XKR6: variants seen among roughly 807,000 people sequenced by gnomAD.
XKR6 encodes XK-related protein 6.
A neutral mutation model predicts 56.7 loss-of-function variants in XKR6; 22 were observed. The observed-to-expected ratio is 0.39, with a 90% CI of 0.28 to 0.55. The LOEUF (loss-of-function observed/expected upper bound fraction) is 0.55, where lower values mean the gene tolerates loss of function less well. Among genes scored for constraint, XKR6 ranks in the 20% least tolerant of loss-of-function variants. The probability of loss-of-function intolerance (pLI) is 0.66; values close to 1 mark genes in which losing one functional copy is unlikely to be tolerated. For missense variants in XKR6, 852 were observed against 889.0 expected, an observed-to-expected ratio of 0.96 and a Z score of 0.53; for synonymous variants, 524 against 387.8, an observed-to-expected ratio of 1.35 and a Z score of -4.13.
chr8:11,195,152 C>A, intron 1 of XKR6: 1 of 703,218 alleles, frequency 1.4e-6, no homozygotes, highest in South Asian at 1.5e-5. Flanking sequence ...GGGAAGAAAC[C>A]AGGTGAGGCA....
chr8:11,173,299 G>T (rs917522009), intron 1 of XKR6, among the ~76,000 whole-genome samples: 9 of 151,210 alleles, frequency 6.0e-5, no homozygotes, highest in Middle Eastern at 3.2e-3. Flanking sequence ...AGCTGAGATC[G>T]TGCCACTGCA....
chr8:11,191,629 AC>A lies in XKR6; in HGVS notation c.764+8946del. On this transcript the variant is annotated intron_variant, in intron 1 of 2. Transcript: ENST00000416569. ...AGAGTGCAAACGACACCTGCAAGAG[AC>A]ACTCAGGAAACGCAAAATATGAGCA... 1.3e-5 allele frequency among the ~76,000 whole-genome samples: 2 copies of A among 152,028 alleles called. 1 individual carries two copies. Among genetic ancestry groups the A allele is most frequent in the Non-Finnish European group, 2.9e-5 (2 of 67,990 alleles).
At chr8:11,173,900 CAGTGGGAAAAAAAGAGGG>C (rs1802514964) in intron 1 of XKR6, among the ~76,000 whole-genome samples, 1 of 152,034 alleles carries the variant, frequency 6.6e-6, no homozygotes, top group Admixed American at 6.6e-5. Flanking sequence ...AGACGGGACA[CAGTGGGAAAAAAAGAGGG>C]AAGAACATGA....
chr8:11,120,398 A>C (rs1273396427), intron 1 of XKR6, among the ~76,000 whole-genome samples: 1 of 152,212 alleles, frequency 6.6e-6, no homozygotes, highest in Non-Finnish European at 1.5e-5. Flanking sequence ...AATAACAGAC[A>C]AACAGAGAGC....
At chr8:11,117,502 G>T (rs557489483) in intron 1 of XKR6, among the ~76,000 whole-genome samples, 1 of 152,120 alleles carries the variant, frequency 6.6e-6, no homozygotes, top group East Asian at 1.9e-4. Context: ...TGGCCATTTG[G>T]GAAACTTAAG....
At chr8:11,067,789 C>G (rs1800019151) in intron 1 of XKR6, among the ~76,000 whole-genome samples, 2 of 152,260 alleles carry the variant, frequency 1.3e-5, no homozygotes, top group South Asian at 4.1e-4. Flanking sequence ...CTTCCAAGAG[C>G]AGGCGTTTCA....
intron 1 of XKR6, among the ~76,000 whole-genome samples, chr8:11,167,760 C>A (rs912596669): frequency 6.6e-6 from 1 of 151,970 alleles, no homozygotes; most frequent in Admixed American, 6.6e-5. Context: ...CCTGCAAAAA[C>A]TGGAAAAAGT....
intron 1 of XKR6, among the ~76,000 whole-genome samples, chr8:11,098,912 A>C (rs1563134835): frequency 6.6e-6 from 1 of 152,216 alleles, no homozygotes; most frequent in Admixed American, 6.5e-5. Context: ...CCCATGGAAA[A>C]AAAAATGATT....
chr8:11,153,847 C>T (rs545055762), intron 1 of XKR6, among the ~76,000 whole-genome samples: 29 of 152,322 alleles, frequency 1.9e-4, no homozygotes, highest in African/African-American at 6.7e-4. Flanking sequence ...CTCCTTTCCT[C>T]CCAAATATTT....
At chr8:10,984,730 CTCTATA>C (rs1413402980) in intron 1 of XKR6, among the ~76,000 whole-genome samples, 140 of 63,666 alleles carry the variant, frequency 2.2e-3, no homozygotes, top group African/African-American at 5.8e-3. Context: ...CTCTCTCTCT[CTCTATA>C]TATATATATA....
At chr8:11,101,632 C>T (rs1000322514) in intron 1 of XKR6, among the ~76,000 whole-genome samples, 3 of 152,190 alleles carry the variant, frequency 2.0e-5, no homozygotes, top group Non-Finnish European at 2.9e-5. Context: ...AATGAATTTT[C>T]CCCCTCCTTG....
intron 2 of XKR6, among the ~76,000 whole-genome samples, chr8:10,909,845 G>A (rs1800297456): frequency 6.6e-6 from 1 of 152,146 alleles, no homozygotes; most frequent in Non-Finnish European, 1.5e-5. Flanking sequence ...AATTTAATGG[G>A]ACAATAATCC....
chr8:11,166,676 G>A (rs759732356), intron 1 of XKR6, among the ~76,000 whole-genome samples: 19 of 152,006 alleles, frequency 1.2e-4, no homozygotes, highest in East Asian at 1.9e-4. Context: ...AGGTTCAAGC[G>A]ATTCTCCTGC....
chr8:11,134,092 C>A (rs890903327), intron 1 of XKR6, among the ~76,000 whole-genome samples: 1 of 152,142 alleles, frequency 6.6e-6, no homozygotes, highest in Non-Finnish European at 1.5e-5. Flanking sequence ...TCACCACACC[C>A]TGGTTCCTGG....
At chr8:10,970,003 C>T (rs1347695774) in intron 1 of XKR6, among the ~76,000 whole-genome samples, 2 of 152,220 alleles carry the variant, frequency 1.3e-5, no homozygotes, top group Non-Finnish European at 2.9e-5. Context: ...CCAAGTTCAC[C>T]CTGCTCAGGT....
intron 1 of XKR6, among the ~76,000 whole-genome samples, chr8:10,972,345 C>G (rs1181622839): frequency 6.6e-6 from 1 of 152,174 alleles, no homozygotes; most frequent in African/African-American, 2.4e-5. Flanking sequence ...TTCTTTCCTG[C>G]TGAGCTGATT....
chr8:11,114,612 T>A (rs577873251), intron 1 of XKR6, among the ~76,000 whole-genome samples: 14 of 152,288 alleles, frequency 9.2e-5, no homozygotes, highest in African/African-American at 3.4e-4. Context: ...CCACCCGCCT[T>A]GGCCTCCCAA....
chr8:11,200,538 C>T lies in XKR6; in HGVS notation c.764+38G>A, dbSNP rs1638839963. On this transcript the variant is annotated intron_variant, in intron 1 of 2. Coordinates refer to ENST00000416569, the MANE Select transcript of XKR6 (RefSeq NM_173683.4). The surrounding 1 kb of genome is among the most constrained non-coding windows in gnomAD (Gnocchi z 6.4). ...GCACCGGGAGGGCGGAGGGGGGCTC[C>T]TCAGGGCCGGCCCGCCCCCACCCCG... 12 of 1,428,778 alleles carry T rather than the reference C, an allele frequency of 8.4e-6. No individual in the cohort carries two copies. The highest frequency in any genetic ancestry group is 1.5e-5 in the South Asian group (1 of 64,878). The allele number at this position is 1,428,778 out of a possible 1,614,324, so 88.5% of individuals were successfully genotyped here.
At chr8:11,195,203 T>TAC (rs1055469165) in intron 1 of XKR6, 1 of 703,004 alleles carries the variant, frequency 1.4e-6, no homozygotes, top group African/African-American at 1.7e-5. Context: ...TCCTTGATGG[T>TAC]ACCAAAGGGT....
Sources: gnomAD v4.1 joint callset for allele counts (sites outside exome capture counted in the v4.1 genomes callset) on GRCh38, gnomAD v4.1.1 for gene constraint, Gnocchi (gnomAD v3.1) non-coding constraint, MANE v1.5 for transcripts, NCBI Gene and HGNC (gene_info 2026-07-23, HGNC 2026-07-21) for gene names.